The following PTK2B variants were observed in gnomAD, a reference collection of about 807,000 sequenced individuals.
PTK2B encodes protein-tyrosine kinase 2-beta.
A neutral mutation model predicts 142.9 loss-of-function variants in PTK2B; 71 were observed. That is an observed-to-expected ratio of 0.50 (90% CI 0.41 to 0.61). PTK2B has a LOEUF of 0.61. PTK2B is among the 20% of genes least tolerant of loss of function. PTK2B has a pLI of 0.00. For missense variants in PTK2B, 1,105 were observed against 1,320.4 expected (o/e 0.84, Z 2.53); for synonymous variants, 519 against 503.4 (o/e 1.03, Z -0.42).
chr8:27,380,178 C>G (rs1289699033), intron 1 of PTK2B, among the ~76,000 whole-genome samples: 2 of 152,158 alleles, frequency 1.3e-5, no homozygotes, highest in Non-Finnish European at 2.9e-5. Context: ...CTCTCGGGGT[C>G]ACGTCTTTCT....
intron 7 of PTK2B, 94 bp from the exon 8 acceptor site, chr8:27,430,782 T>G: frequency 6.7e-7 from 1 of 1,497,670 alleles, no homozygotes; most frequent in African/African-American, 1.4e-5. Flanking sequence ...GGGATCATTT[T>G]CGAGCAGTGG....
chr8:27,411,349 C>T (rs1181941057), intron 2 of PTK2B, among the ~76,000 whole-genome samples: 1 of 152,144 alleles, frequency 6.6e-6, no homozygotes, highest in Non-Finnish European at 1.5e-5. Flanking sequence ...AATCTCAGCA[C>T]TTACCTTTCT....
At chr8:27,325,512 T>C (rs1402198981), upstream of PTK2B, 4 of 152,316 alleles carry the variant, frequency 2.6e-5, no homozygotes, top group Non-Finnish European at 5.9e-5. Context: ...AGGGGTGTGG[T>C]TAACAACTCA....
At chr8:27,388,529 G>T (rs960240563) in intron 1 of PTK2B, among the ~76,000 whole-genome samples, 10 of 152,182 alleles carry the variant, frequency 6.6e-5, no homozygotes, top group African/African-American at 2.4e-4. Flanking sequence ...CAACAAGTGG[G>T]ACATCAACTG....
At chr8:27,311,946 GCT>G (rs1802985193) in intron 1 of PTK2B, among the ~76,000 whole-genome samples, 1 of 152,106 alleles carries the variant, frequency 6.6e-6, no homozygotes, top group South Asian at 2.1e-4. Flanking sequence ...GGCTGTAATA[GCT>G]CTGTTTCCAT....
intron 1 of PTK2B, among the ~76,000 whole-genome samples, chr8:27,351,320 A>G (rs1317949300): frequency 6.6e-6 from 1 of 152,008 alleles, no homozygotes; most frequent in Non-Finnish European, 1.5e-5. Flanking sequence ...TAGGAACTGT[A>G]ATAATCACCT....
chr8:27,341,707 T>C (rs1804411824), intron 1 of PTK2B, among the ~76,000 whole-genome samples: 1 of 152,112 alleles, frequency 6.6e-6, no homozygotes, highest in Non-Finnish European at 1.5e-5. Flanking sequence ...AGGGTCTTGC[T>C]CTGTTGCCCA....
chr8:27,383,784 C>G (rs1484382569), intron 1 of PTK2B, among the ~76,000 whole-genome samples: 1 of 151,904 alleles, frequency 6.6e-6, no homozygotes, highest in Non-Finnish European at 1.5e-5. Flanking sequence ...CTCCTGGGCT[C>G]AACTGATCCT....
Position 27,380,252 on chromosome 8 carries a change from C to A in PTK2B, c.-37-17296C>A, listed in dbSNP as rs911833539. 2.0e-5 allele frequency among the ~76,000 whole-genome samples: 3 copies of A among 152,252 alleles called. No homozygotes were observed. In the South Asian group the frequency reaches 6.2e-4, roughly 32 times the overall value. On this transcript the variant is annotated intron_variant, in intron 1 of 30. Transcript: ENST00000346049. ...GATTTTGGATCCCTGAGACCTTTTTCTCCTACCTTTCTTCTGAAAGGATAG... is the reference window on the plus strand; with the variant it reads ...GATTTTGGATCCCTGAGACCTTTTTATCCTACCTTTCTTCTGAAAGGATAG...
At chr8:27,413,332 A>G (rs1476741462) in intron 2 of PTK2B, among the ~76,000 whole-genome samples, 2 of 152,180 alleles carry the variant, frequency 1.3e-5, no homozygotes, top group Non-Finnish European at 1.5e-5. Context: ...GCGTTGCTAT[A>G]ACACTACCTT....
chr8:27,395,927 T>C (rs1808020577), intron 1 of PTK2B: 1 of 152,180 alleles, frequency 6.6e-6, no homozygotes, highest in Non-Finnish European at 1.5e-5. Context: ...ACAGGACATG[T>C]CCAGCAGATG....
Position 27,430,921 on chromosome 8 carries a change from G to A in PTK2B, c.715G>A (p.Ala239Thr), listed in dbSNP as rs771099007. Reference sequence around the variant, plus strand: ...GATCCAGCAGACCTTCCAGCAGTACGCCTCGCTCAGGGAGGAGGAGTGCGT... The same window carrying A: ...GATCCAGCAGACCTTCCAGCAGTACACCTCGCTCAGGGAGGAGGAGTGCGT... ...KMIQQTFQQY[A>T]SLREEECVMK... The change falls in exon 8 of 31, where the codon GCC (alanine) becomes ACC (threonine). Residue 239 changes from alanine to threonine, a missense_variant. Ala to Thr is a moderately conservative substitution (Grantham distance 58). Coordinates refer to ENST00000346049, the MANE Select transcript of PTK2B (RefSeq NM_173176.3). The A allele has an allele frequency of 1.9e-6, 3 of 1,614,058 alleles. No homozygotes were observed. The highest frequency in any genetic ancestry group is 2.5e-6 in the Non-Finnish European group (3 of 1,180,036).
At chr8:27,382,328 T>G (rs1415783164) in intron 1 of PTK2B, among the ~76,000 whole-genome samples, 1 of 152,228 alleles carries the variant, frequency 6.6e-6, no homozygotes, top group Non-Finnish European at 1.5e-5. Flanking sequence ...TTGAGTTGTT[T>G]GAGTTCCTCA....
chr8:27,441,859 G>C (rs1354947659), intron 21 of PTK2B, among the ~76,000 whole-genome samples: 1 of 152,228 alleles, frequency 6.6e-6, no homozygotes, highest in Non-Finnish European at 1.5e-5. Flanking sequence ...ACAGGGAGCT[G>C]TGCAGGTGTC....
In PTK2B at chr8:27,363,906, C is replaced by A. The variant is rs572159830; in HGVS notation, c.-37-33642C>A. ...TGAGGAAGTGAGGAAATACCCAGGG[C>A]GCTGCAGGGCTAAGATTAGACTAGG... On this transcript the variant is annotated intron_variant, in intron 1 of 30. Transcript: ENST00000346049. The surrounding 1 kb of genome is among the most constrained non-coding windows in gnomAD (Gnocchi z 4.3). Among the ~76,000 whole-genome samples the A allele has an allele frequency of 3.9e-5, 6 of 152,166 alleles. No homozygotes were observed. Among genetic ancestry groups the A allele is most frequent in the Non-Finnish European group, 8.8e-5 (6 of 68,020 alleles).
chr8:27,335,135 C>T (rs1803981449), intron 1 of PTK2B, among the ~76,000 whole-genome samples: 1 of 152,200 alleles, frequency 6.6e-6, no homozygotes, highest in Non-Finnish European at 1.5e-5. Flanking sequence ...TGACTTTGAC[C>T]TCCAGTGTAC....
At chr8:27,369,496 C>T (rs1806215108) in intron 1 of PTK2B, among the ~76,000 whole-genome samples, 1 of 151,708 alleles carries the variant, frequency 6.6e-6, no homozygotes, top group Admixed American at 6.6e-5. Flanking sequence ...ATGGTAAAAC[C>T]CCATCTCTAC....
intron 2 of PTK2B, among the ~76,000 whole-genome samples, chr8:27,413,520 C>CT (rs535370426): frequency 1.1e-3 from 160 of 152,306 alleles, no homozygotes; most frequent in African/African-American, 3.7e-3. Context: ...CCTGAGGAGG[C>CT]TCTTCATCCT....
At chr8:27,434,596 G>A (rs780115063) in intron 13 of PTK2B, 37 bp downstream of exon 13, 2 of 1,585,006 alleles carry the variant, frequency 1.3e-6, no homozygotes, top group Admixed American at 3.4e-5. Context: ...TGCTCCAGTT[G>A]CCTCCCGTCT....
Sources: allele counts gnomAD v4.1 joint callset (sites outside exome capture counted in the v4.1 genomes callset), GRCh38; gene constraint gnomAD v4.1.1; non-coding constraint Gnocchi (gnomAD v3.1); transcripts MANE v1.5; gene names NCBI Gene and HGNC (gene_info 2026-07-23, HGNC 2026-07-21).